SPAG17: variants seen among roughly 807,000 people sequenced by gnomAD.
SPAG17 encodes sperm-associated antigen 17.
In SPAG17, 169 loss-of-function variants were observed where a neutral mutation model predicts 273.6. That is an observed-to-expected ratio of 0.62 (90% CI 0.55 to 0.70). SPAG17 has a LOEUF of 0.70. Ranked by LOEUF, SPAG17 falls within the 30% of genes least tolerant of loss-of-function variation. The pLI is 0.00. For synonymous variants in SPAG17, 825 were observed against 873.2 expected, an observed-to-expected ratio of 0.94 and a Z score of 0.97; for missense variants, 2,557 against 2,627.8, an observed-to-expected ratio of 0.97 and a Z score of 0.59.
At position 117,987,874 on chromosome 1, in the gene SPAG17, C is replaced by A. The variant is rs767824043; in HGVS notation, c.5629G>T (p.Ala1877Ser). The A allele has an allele frequency of 6.2e-7, 1 of 1,611,374 alleles. No homozygotes were observed. The highest frequency in any genetic ancestry group is 1.1e-5 in the South Asian group (1 of 91,042). Residue 1877 changes from alanine to serine, a missense_variant, in exon 40 of 49, where the codon GCA (alanine) becomes TCA (serine). Transcript: ENST00000336338. ...DFFEKTWRHTASSKRWKEKID... is the reference protein window; with the variant it reads ...DFFEKTWRHTSSSKRWKEKID... ...TTTTCTTTCCAGCGTTTTGAGGATG[C>A]TGTGTGTCTATGTGAAAGGAAAGGA...
At chr1:118,080,917 A>C (rs986100396) in intron 15 of SPAG17, among the ~76,000 whole-genome samples, 184 bp downstream of exon 15, 22 of 152,202 alleles carry the variant, frequency 1.4e-4, no homozygotes, top group Non-Finnish European at 3.2e-4. Context: ...AGGAATTAAG[A>C]TATTTTTAAA....
At position 118,150,627 on chromosome 1, in the gene SPAG17, A is replaced by T; in HGVS notation, c.231T>A (p.Ile77=). The change falls in exon 3 of 49, where the codon ATT becomes ATA. Residue 77 remains isoleucine, a splice_region_variant and synonymous_variant. Coordinates refer to ENST00000336338, the MANE Select transcript of SPAG17 (RefSeq NM_206996.4). Reference sequence around the variant, plus strand: ...ATCCAACAAGTGTATTTATTTCATTAATCTGTAAGAAAATTAAATTTACTT... The same window carrying T: ...ATCCAACAAGTGTATTTATTTCATTTATCTGTAAGAAAATTAAATTTACTT... ...MVSWQDILQQ[I]NEINTLVGSA... The T allele has an allele frequency of 6.7e-7, 1 of 1,485,688 alleles. No homozygotes were observed. 92.0% of individuals were successfully genotyped at this position (1,485,688 alleles called of 1,614,324 possible). A position where few individuals can be genotyped will look rare whatever the true frequency, so the allele number is the denominator to read the frequency against.
At chr1:118,146,262 C>G (rs1015161188) in intron 3 of SPAG17, among the ~76,000 whole-genome samples, 1 of 152,172 alleles carries the variant, frequency 6.6e-6, no homozygotes, top group African/African-American at 2.4e-5. Flanking sequence ...ACTCTCTCAT[C>G]GAGAACATTT....
intron 3 of SPAG17, among the ~76,000 whole-genome samples, chr1:118,147,132 T>A (rs1281820637): frequency 6.6e-6 from 1 of 152,212 alleles, no homozygotes; most frequent in Non-Finnish European, 1.5e-5. Context: ...CATTTTGTCC[T>A]TTTTTCTCTC....
At chr1:118,094,113 C>T (rs1489992434) in intron 7 of SPAG17, among the ~76,000 whole-genome samples, 1 of 152,196 alleles carries the variant, frequency 6.6e-6, no homozygotes, top group Non-Finnish European at 1.5e-5. Context: ...GTGACGTGCA[C>T]AGCTCTGCCA....
At chr1:118,135,791 T>G (rs1464458448) in intron 3 of SPAG17, among the ~76,000 whole-genome samples, 1 of 152,220 alleles carries the variant, frequency 6.6e-6, no homozygotes, top group African/African-American at 2.4e-5. Context: ...GGGAAACACT[T>G]TCTTACTACT....
At chr1:117,968,576 A>G (rs1654179993) in intron 46 of SPAG17, among the ~76,000 whole-genome samples, 1 of 152,246 alleles carries the variant, frequency 6.6e-6, no homozygotes, top group Admixed American at 6.5e-5. Flanking sequence ...AGCATATTAC[A>G]GCTAGAAGGG....
chr1:118,043,691 T>G (rs983094853), intron 20 of SPAG17, among the ~76,000 whole-genome samples: 1 of 152,216 alleles, frequency 6.6e-6, no homozygotes, highest in Non-Finnish European at 1.5e-5. Context: ...AAGTCAGGAC[T>G]GATTGATTGT....
intron 3 of SPAG17, among the ~76,000 whole-genome samples, chr1:118,136,399 C>T (rs1239591155): frequency 3.3e-5 from 5 of 152,206 alleles, no homozygotes; most frequent in African/African-American, 1.2e-4. Flanking sequence ...TACATCCCCT[C>T]AGGATCCAGC....
At chr1:118,166,211 C>T (rs1353320703) in intron 1 of SPAG17, among the ~76,000 whole-genome samples, 1 of 152,078 alleles carries the variant, frequency 6.6e-6, no homozygotes, top group Non-Finnish European at 1.5e-5. Flanking sequence ...TCATATTTAA[C>T]AGAAAACACA....
At chr1:118,136,611 A>T (rs766792856) in intron 3 of SPAG17, among the ~76,000 whole-genome samples, 1 of 152,104 alleles carries the variant, frequency 6.6e-6, no homozygotes, top group African/African-American at 2.4e-5. Context: ...TGCCTTCTCC[A>T]CCTACACACA....
intron 3 of SPAG17, among the ~76,000 whole-genome samples, chr1:118,146,265 G>C (rs966314142): frequency 1.3e-5 from 2 of 152,166 alleles, no homozygotes; most frequent in Non-Finnish European, 2.9e-5. Flanking sequence ...CTCTCATCGA[G>C]AACATTTCAG....
chr1:118,143,641 TTTA>T, intron 3 of SPAG17, among the ~76,000 whole-genome samples: 1 of 152,282 alleles, frequency 6.6e-6, no homozygotes, highest in South Asian at 2.1e-4. Context: ...AGTGGTAACT[TTTA>T]TTATCACCAT....
At chr1:118,041,217 A>G (rs1233688397) in intron 21 of SPAG17, among the ~76,000 whole-genome samples, 1 of 152,132 alleles carries the variant, frequency 6.6e-6, no homozygotes, top group Non-Finnish European at 1.5e-5. Flanking sequence ...TCATATGTAG[A>G]AGACATTTTT....
chr1:118,122,975 GT>G (rs1409878587), intron 3 of SPAG17, among the ~76,000 whole-genome samples: 1 of 152,120 alleles, frequency 6.6e-6, no homozygotes, highest in African/African-American at 2.4e-5. Context: ...TTAACCCTTT[GT>G]CCAATCTGAA....
chr1:118,176,782 T>C (rs1660718146), intron 1 of SPAG17, among the ~76,000 whole-genome samples: 1 of 152,130 alleles, frequency 6.6e-6, no homozygotes, highest in Non-Finnish European at 1.5e-5. Flanking sequence ...CACTTTCCAG[T>C]ACAGACCAAA....
intron 43 of SPAG17, among the ~76,000 whole-genome samples, chr1:117,976,753 C>A (rs2101556824): frequency 6.6e-6 from 1 of 152,288 alleles, no homozygotes; most frequent in Admixed American, 6.5e-5. Flanking sequence ...CAGTCTGGGG[C>A]AGAGCTGCCA....
Position 118,041,806 on chromosome 1 carries a change from G to C in SPAG17, c.3051C>G (p.Tyr1017Ter). ...SPHQPEPKIT[Y>*]PFHGYNMGNI... ...GTTTTACAGAATTGGAGTTTACCGG[G>C]TAAGTTATCTTAGGTTCTGGTTGGT... Residue 1017 changes from tyrosine to a stop codon, truncating the protein, a stop_gained, in exon 21 of 49, where the codon TAC (tyrosine) becomes TAG (stop). Coordinates refer to ENST00000336338, the MANE Select transcript of SPAG17 (RefSeq NM_206996.4). LOFTEE classifies it high-confidence loss of function. 1 of 1,608,344 alleles carries C rather than the reference G, an allele frequency of 6.2e-7. No homozygotes were observed.
intron 1 of SPAG17, among the ~76,000 whole-genome samples, chr1:118,160,652 G>T (rs897587618): frequency 2.8e-4 from 42 of 152,220 alleles, no homozygotes; most frequent in Admixed American, 2.7e-3. Context: ...ACACAAGATT[G>T]CCCTGATTAC....
Sources: allele counts gnomAD v4.1 joint callset (sites outside exome capture counted in the v4.1 genomes callset), GRCh38; gene constraint gnomAD v4.1.1; transcripts MANE v1.5; gene names NCBI Gene and HGNC (gene_info 2026-07-23, HGNC 2026-07-21).